Variants in DGKB observed in about 807,000 individuals in gnomAD.
DGKB encodes 90 kDa diacylglycerol kinase.
DGKB carries 67 observed loss-of-function variants against 114.3 expected under a neutral mutation model. The ratio of observed to expected loss-of-function variants is 0.59; its 90% CI spans 0.48 to 0.72. DGKB has a LOEUF of 0.72. Among genes scored for constraint, DGKB ranks in the 30% least tolerant of loss-of-function variants. The pLI is 0.00. For synonymous variants in DGKB, 398 were observed against 323.1 expected, an observed-to-expected ratio of 1.23 and a Z score of -2.49; for missense variants, 907 against 975.2, an observed-to-expected ratio of 0.93 and a Z score of 0.93.
intron 23 of DGKB, among the ~76,000 whole-genome samples, chr7:14,241,955 TATACAC>T (rs765629325): frequency 2.4e-4 from 18 of 75,244 alleles, no homozygotes; most frequent in Non-Finnish European, 3.5e-4. Context: ...CACACACACA[TATACAC>T]ACACACACAC....
intron 2 of DGKB, among the ~76,000 whole-genome samples, chr7:14,758,931 AGAT>A (rs1193316840): frequency 3.4e-5 from 5 of 148,296 alleles, no homozygotes; most frequent in African/African-American, 1.3e-4. Context: ...ATAGATAGAT[AGAT>A]ACATAGATAG....
At chr7:14,189,711 G>C (rs1279435446) in intron 23 of DGKB, among the ~76,000 whole-genome samples, 7 of 152,182 alleles carry the variant, frequency 4.6e-5, no homozygotes, top group Admixed American at 3.9e-4. Flanking sequence ...GATAGAAAAA[G>C]ATATTCCGTG....
intron 23 of DGKB, among the ~76,000 whole-genome samples, chr7:14,283,272 A>T (rs1251282421): frequency 6.6e-6 from 1 of 151,400 alleles, no homozygotes; most frequent in Non-Finnish European, 1.5e-5. Flanking sequence ...AATTGCTTTA[A>T]AGAGAATAAA....
At chr7:14,405,135 C>A (rs1006244078) in intron 21 of DGKB, among the ~76,000 whole-genome samples, 1 of 151,384 alleles carries the variant, frequency 6.6e-6, no homozygotes, top group Non-Finnish European at 1.5e-5. Flanking sequence ...CCTCAAGTTT[C>A]TCAAGACTAG....
At chr7:14,153,987 C>T (rs935176625) in intron 25 of DGKB, among the ~76,000 whole-genome samples, 5 of 151,886 alleles carry the variant, frequency 3.3e-5, no homozygotes, top group East Asian at 1.9e-4. Context: ...CCCTTTAAAA[C>T]GTATTTGGGG....
chr7:14,292,995 T>C (rs1436783466), intron 23 of DGKB, among the ~76,000 whole-genome samples: 1 of 152,136 alleles, frequency 6.6e-6, no homozygotes, highest in African/African-American at 2.4e-5. Context: ...CTAAAATTAC[T>C]GCCTGTAAAT....
At chr7:14,617,725 C>G (rs1159161735) in intron 15 of DGKB, among the ~76,000 whole-genome samples, 1 of 151,616 alleles carries the variant, frequency 6.6e-6, no homozygotes, top group Non-Finnish European at 1.5e-5. Flanking sequence ...TCCATCTTGC[C>G]CACCCTACTC....
chr7:14,899,103 G>A (rs1028324394), intron 1 of DGKB, among the ~76,000 whole-genome samples: 2 of 152,120 alleles, frequency 1.3e-5, no homozygotes, highest in African/African-American at 4.8e-5. Context: ...TCTGTGATAA[G>A]ACAAGTGACA....
chr7:14,692,627 T>C (rs1285903831), intron 9 of DGKB, among the ~76,000 whole-genome samples: 1 of 151,430 alleles, frequency 6.6e-6, no homozygotes, highest in Non-Finnish European at 1.5e-5. Flanking sequence ...GAAATTCAGG[T>C]ACAAGAAAAT....
At chr7:14,793,604 T>A (rs978623551) in intron 2 of DGKB, among the ~76,000 whole-genome samples, 1 of 152,190 alleles carries the variant, frequency 6.6e-6, no homozygotes, top group Non-Finnish European at 1.5e-5. Context: ...TAATCAATAA[T>A]GCTTGCCAGG....
intron 21 of DGKB, among the ~76,000 whole-genome samples, chr7:14,377,037 T>G (rs1257429913): frequency 6.6e-6 from 1 of 152,190 alleles, no homozygotes; most frequent in African/African-American, 2.4e-5. Flanking sequence ...CTCTGCATTT[T>G]ACATATTTAA....
chr7:14,340,599 A>C (rs1212362248), intron 22 of DGKB, among the ~76,000 whole-genome samples: 1 of 151,452 alleles, frequency 6.6e-6, no homozygotes. Flanking sequence ...AATGTCAAGC[A>C]GAAGGGGGTC....
intron 23 of DGKB, among the ~76,000 whole-genome samples, chr7:14,235,146 A>ATCTT (rs1792567143): frequency 2.0e-5 from 3 of 152,164 alleles, no homozygotes; most frequent in African/African-American, 7.2e-5. Context: ...CCTCCTCTTG[A>ATCTT]TCTTACAGAA....
At chr7:14,523,158 A>T (rs2128570826) in intron 20 of DGKB, among the ~76,000 whole-genome samples, 1 of 152,318 alleles carries the variant, frequency 6.6e-6, no homozygotes, top group South Asian at 2.1e-4. Flanking sequence ...CTATGGTTTT[A>T]AGTAGATTTC....
At chr7:14,668,109 ATAT>A (rs1818352478) in intron 13 of DGKB, among the ~76,000 whole-genome samples, 1 of 152,038 alleles carries the variant, frequency 6.6e-6, no homozygotes, top group Non-Finnish European at 1.5e-5. Context: ...GGGACTTATA[ATAT>A]TTGCATTTTT....
At chr7:14,311,878 T>C (rs1488665176) in intron 23 of DGKB, among the ~76,000 whole-genome samples, 1 of 152,142 alleles carries the variant, frequency 6.6e-6, no homozygotes, top group East Asian at 1.9e-4. Flanking sequence ...GGGGAGGTGG[T>C]CTCTGGAATA....
chr7:14,914,517 A>C (rs1587371046), intron 1 of DGKB, among the ~76,000 whole-genome samples: 1 of 151,886 alleles, frequency 6.6e-6, no homozygotes. Flanking sequence ...TACAACCCTC[A>C]CTCCTAGCCA....
At chr7:14,508,565 A>G (rs1236918684) in intron 20 of DGKB, among the ~76,000 whole-genome samples, 1 of 152,194 alleles carries the variant, frequency 6.6e-6, no homozygotes, top group Non-Finnish European at 1.5e-5. Flanking sequence ...ATGAAGTTTA[A>G]TCATTGCAGT....
chr7:14,329,121 T>C (rs950892909), intron 23 of DGKB, among the ~76,000 whole-genome samples: 1 of 151,938 alleles, frequency 6.6e-6, no homozygotes, highest in African/African-American at 2.4e-5. Context: ...TCATGGAAAC[T>C]AAACTCATGG....
Sources: gnomAD v4.1 joint callset for allele counts (sites outside exome capture counted in the v4.1 genomes callset) on GRCh38, gnomAD v4.1.1 for gene constraint, MANE v1.5 for transcripts, NCBI Gene and HGNC (gene_info 2026-07-23, HGNC 2026-07-21) for gene names.